CSNK1A1: variants seen among roughly 807,000 people sequenced by gnomAD.
CSNK1A1 encodes casein kinase I isoform alpha.
In CSNK1A1, 7 loss-of-function variants were observed where a neutral mutation model predicts 46.1. That is an observed-to-expected ratio of 0.15 (90% CI 0.09 to 0.29). CSNK1A1 has a LOEUF of 0.29. Among genes scored for constraint, CSNK1A1 ranks in the 10% least tolerant of loss-of-function variants. CSNK1A1 has a pLI of 1.00. For synonymous variants in CSNK1A1, 137 were observed against 141.5 expected (o/e 0.97, Z 0.23); for missense variants, 96 against 417.1 (o/e 0.23, Z 6.71).
intron 2 of CSNK1A1, among the ~76,000 whole-genome samples, chr5:149,532,131 G>C (rs1761921174): frequency 6.6e-6 from 1 of 151,868 alleles, no homozygotes; most frequent in African/African-American, 2.4e-5. Flanking sequence ...CGCCTGCCTT[G>C]GCCTCCTAAA....
chr5:149,506,647 A>G (rs1761041052), intron 8 of CSNK1A1, among the ~76,000 whole-genome samples: 1 of 152,116 alleles, frequency 6.6e-6, no homozygotes, highest in Non-Finnish European at 1.5e-5. Context: ...ACCCTACCCT[A>G]GTTTAGGACT....
rs1041986204 is a variant in CSNK1A1, at chr5:149,531,714, A to C, written c.231-6543T>G. ...AATACAAAAAAAAAAAAAACAAAAA[A>C]CAAAAAATTAGCCGCACATGGTGGT... On this transcript the variant is annotated intron_variant, in intron 2 of 9. Coordinates refer to ENST00000377843, the MANE Select transcript of CSNK1A1 (RefSeq NM_001892.6). Among the ~76,000 whole-genome samples, 102 of 148,186 alleles carry C rather than the reference A, an allele frequency of 6.9e-4. 1 individual carries two copies. Among genetic ancestry groups the C allele is most frequent in the African/African-American group, 2.5e-3 (99 of 40,056 alleles).
At position 149,515,257 on chromosome 5, in the gene CSNK1A1, A is replaced by G. The variant is rs370308217; in HGVS notation, c.457-2048T>C. Among the ~76,000 whole-genome samples, 51 of 152,358 alleles carry G rather than the reference A, an allele frequency of 3.3e-4. 1 individual carries two copies. In the South Asian group the frequency reaches 5.2e-3, roughly 15 times the overall value. On this transcript the variant is annotated intron_variant, in intron 4 of 9. Transcript: ENST00000377843. ...TTCCTTTGGTACTTTAAAATGAAGG[A>G]CAAAAGGGAAGAGCTCTGACATGAG...
At chr5:149,540,433 A>T (rs1762193321) in intron 2 of CSNK1A1, among the ~76,000 whole-genome samples, 1 of 152,178 alleles carries the variant, frequency 6.6e-6, no homozygotes, top group African/African-American at 2.4e-5. Flanking sequence ...TTCAAAGGAG[A>T]GCAAGGTAAA....
chr5:149,520,217 T>C (rs1007608095), intron 4 of CSNK1A1, 73 bp downstream of exon 4: 6 of 950,724 alleles, frequency 6.3e-6, no homozygotes, highest in African/African-American at 1.6e-5. Flanking sequence ...TTTAAAAGAT[T>C]GAAAAGTTTA....
chr5:149,542,036 C>A (rs1316948638), intron 2 of CSNK1A1, among the ~76,000 whole-genome samples: 1 of 149,224 alleles, frequency 6.7e-6, no homozygotes, highest in African/African-American at 2.5e-5. Context: ...GATCCTTGAT[C>A]CCTGGGCCAC....
chr5:149,533,972 T>C (rs1235745555), intron 2 of CSNK1A1, among the ~76,000 whole-genome samples: 4 of 152,222 alleles, frequency 2.6e-5, no homozygotes, highest in Non-Finnish European at 5.9e-5. Flanking sequence ...AGATTTATTT[T>C]TGGCATGAGG....
At chr5:149,500,581 TTTTTC>T (rs900971928) in intron 9 of CSNK1A1, among the ~76,000 whole-genome samples, 5 of 152,052 alleles carry the variant, frequency 3.3e-5, no homozygotes, top group African/African-American at 9.7e-5. Context: ...CCGGCCTTTT[TTTTTC>T]TTTTCTTTTT....
chr5:149,530,066 A>G (rs893855253), intron 2 of CSNK1A1, among the ~76,000 whole-genome samples: 1 of 152,190 alleles, frequency 6.6e-6, no homozygotes, highest in African/African-American at 2.4e-5. Context: ...TGTTAGTTCC[A>G]TCACCATGAC....
At chr5:149,548,112 C>T (rs1177508737) in intron 2 of CSNK1A1, among the ~76,000 whole-genome samples, 2 of 152,082 alleles carry the variant, frequency 1.3e-5, no homozygotes, top group Non-Finnish European at 2.9e-5. Flanking sequence ...TTAAAGTAAC[C>T]TGCCTGCCTT....
intron 2 of CSNK1A1, among the ~76,000 whole-genome samples, chr5:149,543,704 C>T (rs1015574363): frequency 3.9e-5 from 6 of 152,184 alleles, no homozygotes; most frequent in Admixed American, 6.5e-5. Flanking sequence ...GACCTTCAGA[C>T]ACAGAGGGCA....
intron 3 of CSNK1A1, among the ~76,000 whole-genome samples, chr5:149,521,780 T>G (rs1761579019): frequency 6.6e-6 from 1 of 151,972 alleles, no homozygotes; most frequent in African/African-American, 2.4e-5. Context: ...CATGCCTGGG[T>G]ACTTTTTTTT....
At chr5:149,521,270 C>CTTTT (rs909460651) in intron 3 of CSNK1A1, among the ~76,000 whole-genome samples, 6 of 123,930 alleles carry the variant, frequency 4.8e-5, no homozygotes, top group South Asian at 2.6e-4. Context: ...ATTTACTCTT[C>CTTTT]TTTTTTTTTT....
intron 2 of CSNK1A1, among the ~76,000 whole-genome samples, chr5:149,540,721 C>CA (rs200343364): frequency 0.011 from 1,624 of 148,840 alleles, 14 homozygotes; most frequent in East Asian, 0.022. Context: ...TGTGTGCATA[C>CA]AAAAAAAAAA....
intron 2 of CSNK1A1, among the ~76,000 whole-genome samples, chr5:149,528,643 A>G (rs1365970143): frequency 6.6e-6 from 1 of 152,164 alleles, no homozygotes; most frequent in Non-Finnish European, 1.5e-5. Context: ...TAAAACCCAG[A>G]TGCCAAAGAA....
chr5:149,538,227 G>A (rs1329941750), intron 2 of CSNK1A1, among the ~76,000 whole-genome samples: 3 of 151,878 alleles, frequency 2.0e-5, no homozygotes, highest in Admixed American at 6.6e-5. Context: ...TCTCCATGTT[G>A]GTCAGGCTGG....
intron 6 of CSNK1A1, 88 bp downstream of exon 6, chr5:149,511,706 A>G: frequency 1.2e-5 from 11 of 915,184 alleles, no homozygotes; most frequent in Non-Finnish European, 1.9e-5. Flanking sequence ...TCTCAGACTT[A>G]GAAGGGACCT....
chr5:149,512,806 A>G (rs982762692), intron 5 of CSNK1A1, among the ~76,000 whole-genome samples: 3 of 152,224 alleles, frequency 2.0e-5, no homozygotes, highest in African/African-American at 7.2e-5. Flanking sequence ...AAGAAACGTC[A>G]ACATTGCACT....
At chr5:149,527,173 G>T (rs1402639774) in intron 2 of CSNK1A1, among the ~76,000 whole-genome samples, 1 of 151,976 alleles carries the variant, frequency 6.6e-6, no homozygotes, top group African/African-American at 2.4e-5. Flanking sequence ...TGTCCGACAG[G>T]CTCGAGTGCA....
Sources: allele counts gnomAD v4.1 joint callset (sites outside exome capture counted in the v4.1 genomes callset), GRCh38; gene constraint gnomAD v4.1.1; transcripts MANE v1.5; gene names NCBI Gene and HGNC (gene_info 2026-07-23, HGNC 2026-07-21).